DOCK1: variants seen among roughly 807,000 people sequenced by gnomAD.
DOCK1 encodes the protein dedicator of cytokinesis 1, also known as dedicator of cytokinesis protein 1.
In DOCK1, 138 loss-of-function variants were observed where a neutral mutation model predicts 262.7. The ratio of observed to expected loss-of-function variants is 0.53; its 90% CI spans 0.46 to 0.61. The LOEUF is 0.61. Among genes scored for constraint, DOCK1 ranks in the 20% least tolerant of loss-of-function variants. The pLI, the probability that DOCK1 is intolerant of heterozygous loss-of-function variation, is 0.00. For synonymous variants in DOCK1, 866 were observed against 867.4 expected (o/e 1.00, Z 0.03); for missense variants, 1,908 against 2,370.7 (o/e 0.80, Z 4.05).
intron 1 of DOCK1, among the ~76,000 whole-genome samples, chr10:126,946,335 T>A (rs1222218121): frequency 6.6e-6 from 1 of 152,036 alleles, no homozygotes; most frequent in Non-Finnish European, 1.5e-5. Context: ...TCACTTGAGG[T>A]CAGGAGTTCA....
intron 29 of DOCK1, among the ~76,000 whole-genome samples, chr10:127,263,611 G>T (rs1470655591): frequency 6.6e-6 from 1 of 152,226 alleles, no homozygotes; most frequent in Non-Finnish European, 1.5e-5. Flanking sequence ...TCCCAGAGGG[G>T]AGCAGCTGCT....
chr10:127,033,884 G>C (rs1418609880), intron 18 of DOCK1, among the ~76,000 whole-genome samples: 1 of 152,154 alleles, frequency 6.6e-6, no homozygotes, highest in Non-Finnish European at 1.5e-5. Flanking sequence ...CTGCTGGTCT[G>C]CTGAGTAAAC....
intron 47 of DOCK1, 142 bp from the exon 48 acceptor site, chr10:127,433,141 G>A (rs2069414985): frequency 8.3e-7 from 1 of 1,204,872 alleles, no homozygotes; most frequent in Non-Finnish European, 1.2e-6. Flanking sequence ...CTTCCACTCA[G>A]AACAAGAACA....
At chr10:126,984,153 C>T (rs776584124) in intron 4 of DOCK1, among the ~76,000 whole-genome samples, 3 of 151,980 alleles carry the variant, frequency 2.0e-5, no homozygotes, top group Non-Finnish European at 2.9e-5. Flanking sequence ...GCCTCTGTTG[C>T]GTTTCCCTCT....
At chr10:127,197,907 C>G (rs1177239620) in intron 27 of DOCK1, among the ~76,000 whole-genome samples, 1 of 152,196 alleles carries the variant, frequency 6.6e-6, no homozygotes, top group East Asian at 1.9e-4. Flanking sequence ...AAAAAAAAAT[C>G]TAAAATGTCA....
rs368092669 is a variant in DOCK1, at chr10:126,970,792, A to G, written c.130+7A>G. 85 of 1,610,916 alleles carry G rather than the reference A, an allele frequency of 5.3e-5. No individual in the cohort carries two copies. The highest frequency in any genetic ancestry group is 6.7e-5 in the Non-Finnish European group (79 of 1,177,902). ...ATCTTAGAAACATATGAAGGTGCGT[A>G]TGCATCTTGGTATCTTTTCTCTTAC... is the stretch of plus-strand genomic sequence containing the variant. On this transcript the variant is annotated splice_region_variant and intron_variant, in intron 2 of 51. Coordinates refer to ENST00000623213, the MANE Select transcript of DOCK1 (RefSeq NM_001290223.2).
chr10:127,022,789 G>A (rs1018796038), intron 13 of DOCK1, among the ~76,000 whole-genome samples: 47 of 152,308 alleles, frequency 3.1e-4, no homozygotes, highest in African/African-American at 1.1e-3. Context: ...ACCTGGGAGT[G>A]CCAGTGGATA....
At chr10:127,124,813 A>G (rs969129638) in intron 25 of DOCK1, among the ~76,000 whole-genome samples, 39 of 152,206 alleles carry the variant, frequency 2.6e-4, no homozygotes, top group African/African-American at 8.9e-4. Context: ...CTTGGCATAG[A>G]TGAGAAAAGC....
intron 28 of DOCK1, among the ~76,000 whole-genome samples, chr10:127,251,218 C>CGGCCTCCCAAAT (rs1163611283): frequency 2.0e-5 from 3 of 151,858 alleles, no homozygotes; most frequent in Non-Finnish European, 2.9e-5. Flanking sequence ...CCTCCCGCCT[C>CGGCCTCCCAAAT]GGCCTCCCAA....
intron 29 of DOCK1, among the ~76,000 whole-genome samples, chr10:127,328,814 A>T (rs1017094035): frequency 6.6e-6 from 1 of 152,162 alleles, no homozygotes; most frequent in African/African-American, 2.4e-5. Flanking sequence ...TTTTTTAATC[A>T]TGAAACTGAG....
In DOCK1 at chr10:126,981,956, G is replaced by T. The variant is rs759966791; in HGVS notation, c.210G>T (p.Ala70=). Residue 70 remains alanine, a synonymous_variant, in exon 4 of 52, where the codon GCG becomes GCT. Coordinates refer to ENST00000623213, the MANE Select transcript of DOCK1 (RefSeq NM_001290223.2). ...CTTCATATATTCATCTTAAAGAAGC[G>T]ATAGTTGAAGGAAAAGGGTGAGTCT... The part of the protein sequence containing the change: ...FPASYIHLKE[A]IVEGKGQHET... 1.2e-6 allele frequency: 2 copies of T among 1,613,364 alleles called. No individual in the cohort carries two copies. The highest frequency in any genetic ancestry group is 1.3e-5 in the African/African-American group (1 of 74,880).
chr10:127,261,487 ATC>A (rs1214223281), intron 29 of DOCK1, among the ~76,000 whole-genome samples: 1 of 106,114 alleles, frequency 9.4e-6, no homozygotes, highest in Non-Finnish European at 1.8e-5. Flanking sequence ...ACCCGTGCTC[ATC>A]TGTGTGTGTG....
intron 29 of DOCK1, among the ~76,000 whole-genome samples, chr10:127,321,731 T>G (rs1038502836): frequency 3.0e-5 from 4 of 135,254 alleles, no homozygotes; most frequent in African/African-American, 1.2e-4. Flanking sequence ...CCGCCGCCCC[T>G]GCTAAATTTA....
chr10:127,164,959 C>CT (rs1242480378), intron 27 of DOCK1, among the ~76,000 whole-genome samples: 1 of 152,194 alleles, frequency 6.6e-6, no homozygotes, highest in Non-Finnish European at 1.5e-5. Context: ...AGTTGATTAA[C>CT]TTATTTTCCT....
intron 24 of DOCK1, among the ~76,000 whole-genome samples, 168 bp downstream of exon 24, chr10:127,106,469 C>T (rs910930835): frequency 6.6e-6 from 1 of 152,118 alleles, no homozygotes; most frequent in Non-Finnish European, 1.5e-5. Context: ...CTTTGATAAT[C>T]ATGACATTAT....
At chr10:127,370,948 CGTGA>C (rs2065174551) in intron 33 of DOCK1, among the ~76,000 whole-genome samples, 1 of 152,190 alleles carries the variant, frequency 6.6e-6, no homozygotes, top group South Asian at 2.1e-4. Flanking sequence ...TTGCTTATTA[CGTGA>C]GTGAGCCTCT....
intron 6 of DOCK1, among the ~76,000 whole-genome samples, chr10:126,996,535 A>ATT (rs10538924): frequency 3.7e-5 from 5 of 136,234 alleles, no homozygotes; most frequent in South Asian, 2.3e-4. Context: ...AAAATTGAGG[A>ATT]TTTTTTTTTT....
chr10:127,390,316 A>G (rs1383145538), intron 38 of DOCK1, among the ~76,000 whole-genome samples: 3 of 152,168 alleles, frequency 2.0e-5, no homozygotes. Flanking sequence ...ACATGCGGCC[A>G]TTGGGCCCAC....
At chr10:127,181,169 T>C (rs2055695893) in intron 27 of DOCK1, among the ~76,000 whole-genome samples, 1 of 152,216 alleles carries the variant, frequency 6.6e-6, no homozygotes, top group African/African-American at 2.4e-5. Context: ...AGTGTGTATA[T>C]GTATGTATAT....
Sources: gnomAD v4.1 joint callset for allele counts (sites outside exome capture counted in the v4.1 genomes callset) on GRCh38, gnomAD v4.1.1 for gene constraint, MANE v1.5 for transcripts, NCBI Gene and HGNC (gene_info 2026-07-23, HGNC 2026-07-21) for gene names.